CHCHD7: variants seen among roughly 807,000 people sequenced by gnomAD.
CHCHD7 encodes coiled-coil-helix-coiled-coil-helix domain-containing protein 7.
A neutral mutation model predicts 10.5 loss-of-function variants in CHCHD7; 7 were observed. That is an observed-to-expected ratio of 0.67 (90% CI 0.38 to 1.25). The LOEUF (loss-of-function observed/expected upper bound fraction) is 1.25, where lower values mean the gene tolerates loss of function less well. CHCHD7 is among the 50% of genes most tolerant of loss of function. The probability of loss-of-function intolerance (pLI) is 0.02; values close to 1 mark genes in which losing one functional copy is unlikely to be tolerated. For missense variants in CHCHD7, 100 were observed against 104.5 expected, an observed-to-expected ratio of 0.96 and a Z score of 0.19; for synonymous variants, 40 against 36.0, an observed-to-expected ratio of 1.11 and a Z score of -0.40.
intron 2 of CHCHD7, chr8:56,215,262 A>T (rs1445029433): frequency 1.3e-5 from 2 of 152,326 alleles, no homozygotes; most frequent in East Asian, 3.8e-4. Flanking sequence ...TTCCAAATAT[A>T]TACATTCATT....
rs1813484562 is a variant in CHCHD7, at chr8:56,218,403, A to G, written c.*968A>G. 4.6e-6 allele frequency: 1 copy of G among 217,984 alleles called. No homozygotes were observed. The highest frequency in any genetic ancestry group is 9.2e-6 in the Non-Finnish European group (1 of 108,676). The allele number at this position is 217,984 out of a possible 1,614,324, so 13.5% of individuals were successfully genotyped here. On this transcript the variant is annotated 3_prime_UTR_variant, in exon 4 of 4. Transcript: ENST00000355315. ...CGTTTGTTTTATTCATGGTAGTTTT[A>G]TGAAGACATACTATTATTGAATGAA...
intron 2 of CHCHD7, 117 bp downstream of exon 2, chr8:56,214,784 T>C (rs1037161983): frequency 4.3e-6 from 3 of 704,148 alleles, no homozygotes; most frequent in Non-Finnish European, 7.3e-6. Flanking sequence ...AGAAAAAATA[T>C]TGTTGGCCAG....
chr8:56,215,758 A>G (rs1186074554), intron 2 of CHCHD7, among the ~76,000 whole-genome samples: 1 of 151,994 alleles, frequency 6.6e-6, no homozygotes, highest in African/African-American at 2.4e-5. Flanking sequence ...TTTCACTTTT[A>G]AGTTTGTTAT....
chr8:56,217,276 T>G (rs1414228194), intron 3 of CHCHD7, 55 bp from the exon 4 acceptor site: 3 of 1,046,282 alleles, frequency 2.9e-6, no homozygotes, highest in Non-Finnish European at 4.3e-6. Flanking sequence ...ATGATTAGCA[T>G]TTAATACATG....
intron 1 of CHCHD7, chr8:56,213,192 G>C (rs1813124802): frequency 3.8e-6 from 1 of 261,744 alleles, no homozygotes; most frequent in Non-Finnish European, 7.1e-6. Flanking sequence ...ACAGCATCTT[G>C]ATTTCTTTTT....
chr8:56,212,122 C>T (rs1367610914), intron 1 of CHCHD7: 1 of 154,202 alleles, frequency 6.5e-6, no homozygotes, highest in East Asian at 1.9e-4. Flanking sequence ...ACCCCCAGTT[C>T]CCTGCGTTTT....
intron 1 of CHCHD7, chr8:56,213,102 A>G (rs1168240757): frequency 4.7e-6 from 2 of 423,562 alleles, no homozygotes; most frequent in Non-Finnish European, 8.3e-6. Flanking sequence ...TTTATTTACT[A>G]TCATCATCTC....
chr8:56,217,039 G>A (rs143637140), intron 3 of CHCHD7: 60 of 427,400 alleles, frequency 1.4e-4, no homozygotes, highest in African/African-American at 1.1e-3. Flanking sequence ...CGATTATTCA[G>A]TAGCTCTTCT....
At chr8:56,215,385 C>G (rs988704152) in intron 2 of CHCHD7, 1 of 152,150 alleles carries the variant, frequency 6.6e-6, no homozygotes, top group African/African-American at 2.4e-5. Flanking sequence ...GATCTGTGTT[C>G]CCCAACCTTT....
chr8:56,215,925 C>T (rs1034271250), intron 2 of CHCHD7, among the ~76,000 whole-genome samples: 1 of 152,030 alleles, frequency 6.6e-6, no homozygotes, highest in South Asian at 2.1e-4. Context: ...TAAATGGTAG[C>T]CAAAAATGCA....
chr8:56,214,441 A>G (rs542835234), intron 1 of CHCHD7, 157 bp from the exon 2 acceptor site: 5 of 523,920 alleles, frequency 9.5e-6, no homozygotes, highest in African/African-American at 9.5e-5. Context: ...AAACACGTTC[A>G]AGTTTTTATT....
intron 1 of CHCHD7, chr8:56,213,352 C>T (rs1351779761): frequency 6.6e-6 from 1 of 151,866 alleles, no homozygotes; most frequent in African/African-American, 2.4e-5. Flanking sequence ...TTGGCCTGGA[C>T]GTCCTGATCT....
chr8:56,214,411 G>A (rs1220908554), intron 1 of CHCHD7, 187 bp from the exon 2 acceptor site: 2 of 492,306 alleles, frequency 4.1e-6, no homozygotes, highest in East Asian at 6.2e-5. Flanking sequence ...TTTGTGTTGA[G>A]GCATGGCAAT....
At chr8:56,212,513 C>T (rs1481816402) in intron 1 of CHCHD7, 2 of 214,386 alleles carry the variant, frequency 9.3e-6, no homozygotes, top group Non-Finnish European at 1.9e-5. Context: ...TCAGGAACTG[C>T]TTTATTAAGC....
intron 1 of CHCHD7, chr8:56,213,874 A>G (rs1813181330): frequency 6.6e-6 from 1 of 152,234 alleles, no homozygotes; most frequent in South Asian, 2.1e-4. Context: ...GCCATAAAAT[A>G]GGCACTCTGG....
chr8:56,215,784 T>C (rs1347336286), intron 2 of CHCHD7, among the ~76,000 whole-genome samples: 1 of 152,236 alleles, frequency 6.6e-6, no homozygotes, highest in Non-Finnish European at 1.5e-5. Context: ...CTACTTCCAG[T>C]TCACACAGCT....
At position 56,218,178 on chromosome 8, in the gene CHCHD7, A is replaced by T. The variant is rs1186494606; in HGVS notation, c.*743A>T. 1 of 228,072 alleles carries T rather than the reference A, an allele frequency of 4.4e-6. No individual in the cohort carries two copies. Among genetic ancestry groups the T allele is most frequent in the East Asian group, 6.3e-5 (1 of 15,874 alleles). 14.1% of individuals were successfully genotyped at this position (228,072 alleles called of 1,614,324 possible). A position where few individuals can be genotyped will look rare whatever the true frequency, so the allele number is the denominator to read the frequency against. ...TTGAACCACAGTAATGGGAAGAAAG[A>T]CAAATGGATTCCCTTAGAAGTAAGA... On this transcript the variant is annotated 3_prime_UTR_variant, in exon 4 of 4. Coordinates refer to ENST00000355315, the MANE Select transcript of CHCHD7 (RefSeq NM_001011671.3).
chr8:56,212,883 G>C lies in CHCHD7; in HGVS notation c.-17+1046G>C, dbSNP rs749995879. ...GTGAAGAAACTCATGCACCAAACTC[G>C]AACTGGGTATATGTGATGTTACCTA... is the stretch of plus-strand genomic sequence containing the variant. On this transcript the variant is annotated intron_variant, in intron 1 of 3. Transcript: ENST00000355315. The C allele has an allele frequency of 2.5e-6, 4 of 1,607,854 alleles. No individual in the cohort carries two copies. In the East Asian group the frequency reaches 8.9e-5, roughly 36 times the overall value.
At chr8:56,213,041 G>T in intron 1 of CHCHD7, 1 of 588,330 alleles carries the variant, frequency 1.7e-6, no homozygotes, top group Non-Finnish European at 3.0e-6. Context: ...GGTGTATGAA[G>T]AGTTCTGTGT....
Sources: gnomAD v4.1 joint callset for allele counts (sites outside exome capture counted in the v4.1 genomes callset) on GRCh38, gnomAD v4.1.1 for gene constraint, MANE v1.5 for transcripts, NCBI Gene and HGNC (gene_info 2026-07-23, HGNC 2026-07-21) for gene names.